The following ATP6V0A4 variants were observed in gnomAD, a reference collection of about 807,000 sequenced individuals.
ATP6V0A4 encodes V-type proton ATPase 116 kDa subunit a 4.
A neutral mutation model predicts 107.3 loss-of-function variants in ATP6V0A4; 86 were observed. That is an observed-to-expected ratio of 0.80 (90% CI 0.67 to 0.96). The LOEUF is 0.96. Among genes scored for constraint, ATP6V0A4 ranks in the 40% least tolerant of loss-of-function variants. The pLI, the probability that ATP6V0A4 is intolerant of heterozygous loss-of-function variation, is 0.00. For synonymous variants in ATP6V0A4, 353 were observed against 381.4 expected (o/e 0.93, Z 0.87); for missense variants, 908 against 1,045.6 (o/e 0.87, Z 1.81).
intron 10 of ATP6V0A4, 67 bp from the exon 11 acceptor site, chr7:138,752,904 A>G: frequency 6.3e-7 from 1 of 1,590,900 alleles, no homozygotes; most frequent in Non-Finnish European, 8.5e-7. Context: ...GGTGCCAAAA[A>G]TGGAGTGTCA....
intron 1 of ATP6V0A4, among the ~76,000 whole-genome samples, chr7:138,791,882 T>C (rs950035816): frequency 6.6e-6 from 1 of 152,140 alleles, no homozygotes; most frequent in Non-Finnish European, 1.5e-5. Context: ...TTAAGAACAA[T>C]AAACCGGTAA....
chr7:138,753,982 C>G (rs1249226377), intron 10 of ATP6V0A4, among the ~76,000 whole-genome samples: 3 of 152,162 alleles, frequency 2.0e-5, no homozygotes, highest in Non-Finnish European at 4.4e-5. Context: ...GCCCTCGACA[C>G]AGCAGCAACC....
At chr7:138,779,503 T>C (rs1234036382) in intron 2 of ATP6V0A4, among the ~76,000 whole-genome samples, 1 of 152,222 alleles carries the variant, frequency 6.6e-6, no homozygotes, top group Non-Finnish European at 1.5e-5. Flanking sequence ...TTACCAGCTA[T>C]GTGGACATCA....
intron 15 of ATP6V0A4, among the ~76,000 whole-genome samples, chr7:138,737,495 C>T (rs565813489): frequency 2.6e-5 from 4 of 151,748 alleles, no homozygotes; most frequent in South Asian, 2.1e-4. Context: ...CTAATACAGA[C>T]GTGTTCTGTT....
chr7:138,795,747 C>T (rs1013961110), intron 1 of ATP6V0A4, among the ~76,000 whole-genome samples: 16 of 152,050 alleles, frequency 1.1e-4, no homozygotes, highest in Non-Finnish European at 1.8e-4. Context: ...CTCAAGTGAT[C>T]CTCCCACCTC....
intron 1 of ATP6V0A4, among the ~76,000 whole-genome samples, chr7:138,786,466 C>T (rs924218256): frequency 2.0e-5 from 3 of 152,010 alleles, no homozygotes; most frequent in African/African-American, 7.2e-5. Flanking sequence ...CTAGTCCCAG[C>T]TACTCAGGAG....
rs1312137907 is a variant in ATP6V0A4, at chr7:138,743,444, C to G, written c.1478+1679G>C. ...CTGTACTCTAGCCTGGGTGACAGAG[C>G]AAGACTCCATCTCAAAAAAAAAAAA... On this transcript the variant is annotated intron_variant, in intron 14 of 21. Transcript: ENST00000310018. Among the ~76,000 whole-genome samples, 8 of 118,196 alleles carry G rather than the reference C, an allele frequency of 6.8e-5. 1 individual carries two copies. The South Asian group carries it at 2.1e-3, about 31-fold the overall frequency. 77.5% of individuals were successfully genotyped at this position (118,196 alleles called of 152,430 possible).
In ATP6V0A4 at chr7:138,718,050, G is replaced by GGTGGGAGTAGC. The variant is rs1485521817; in HGVS notation, c.2140-2170_2140-2169insGCTACTCCCAC. On this transcript the variant is annotated intron_variant, in intron 19 of 21. Coordinates refer to ENST00000310018, the MANE Select transcript of ATP6V0A4 (RefSeq NM_020632.3). ...GGGAGACGTCCAGGAAGGAGTGGGG[G>GGTGGGAGTAGC]GGTACAGTCACGGGTGTCTGTGGAG... Among the ~76,000 whole-genome samples the GGTGGGAGTAGC allele has an allele frequency of 3.4e-5, 5 of 147,042 alleles. 1 individual carries two copies. Among genetic ancestry groups the GGTGGGAGTAGC allele is most frequent in the African/African-American group, 1.0e-4 (4 of 39,834 alleles).
rs1390643791 is a variant in ATP6V0A4, at chr7:138,739,622, A to G, written c.1490T>C (p.Met497Thr). 2 of 1,614,038 alleles carry G rather than the reference A, an allele frequency of 1.2e-6. No individual in the cohort carries two copies. Among genetic ancestry groups the G allele is most frequent in the African/African-American group, 2.7e-5 (2 of 74,930 alleles). The change falls in exon 15 of 22, where the codon ATG becomes ACG. Residue 497 changes from methionine to threonine, a missense_variant. Coordinates refer to ENST00000310018, the MANE Select transcript of ATP6V0A4 (RefSeq NM_020632.3). ...CAGCTGCAGATATAGACTTTCCTCC[A>G]TTACATGAGTACTTTAGAGGGAGAA... ...FRNGTWNTHV[M>T]EESLYLQLDP...
chr7:138,723,996 C>T (rs969946732), intron 18 of ATP6V0A4, among the ~76,000 whole-genome samples: 17 of 147,030 alleles, frequency 1.2e-4, no homozygotes, highest in African/African-American at 4.1e-4. Context: ...TCAAGGTCAG[C>T]CTGGGCAACA....
At chr7:138,743,465 AAAAAAG>A (rs931596614) in intron 14 of ATP6V0A4, among the ~76,000 whole-genome samples, 12 of 151,482 alleles carry the variant, frequency 7.9e-5, no homozygotes, top group African/African-American at 2.2e-4. Flanking sequence ...CTCAAAAAAA[AAAAAAG>A]AAAAAGAAAA....
chr7:138,753,784 C>A (rs1189935808), intron 10 of ATP6V0A4, among the ~76,000 whole-genome samples: 2 of 152,160 alleles, frequency 1.3e-5, no homozygotes, highest in Admixed American at 1.3e-4. Context: ...CAATATAATG[C>A]CCCCTGGCCT....
intron 5 of ATP6V0A4, among the ~76,000 whole-genome samples, chr7:138,767,391 C>A (rs564225082): frequency 6.6e-6 from 1 of 151,998 alleles, no homozygotes; most frequent in Non-Finnish European, 1.5e-5. Flanking sequence ...GGCGTGGTGG[C>A]GCATGCCTGT....
Position 138,762,920 on chromosome 7 carries a change from T to C in ATP6V0A4, c.397A>G (p.Lys133Glu). The change falls in exon 6 of 22, where the codon AAA (lysine) becomes GAA (glutamate). Residue 133 changes from lysine (K) to glutamate (E), a missense_variant. Physicochemically the swap from Lys to Glu is moderately conservative, Grantham distance 56 (BLOSUM62 1). Transcript: ENST00000310018. ...ACCACCTCAAAGAAGTCTTGGGTTT[T>C]CTTCAGGAGGTATTTCAGTTCTGTC... ...ELTELKYLLK[K>E]TQDFFETETN... 6.2e-7 allele frequency: 1 copy of C among 1,614,170 alleles called. No homozygotes were observed. Among genetic ancestry groups the C allele is most frequent in the Non-Finnish European group, 8.5e-7 (1 of 1,180,028 alleles).
intron 15 of ATP6V0A4, among the ~76,000 whole-genome samples, chr7:138,736,707 G>A (rs1805341845): frequency 6.6e-6 from 1 of 151,998 alleles, no homozygotes; most frequent in Non-Finnish European, 1.5e-5. Flanking sequence ...AAGTAGCTGG[G>A]ATTACAGGCA....
At chr7:138,759,478 T>C (rs1806680568) in intron 8 of ATP6V0A4, among the ~76,000 whole-genome samples, 1 of 152,078 alleles carries the variant, frequency 6.6e-6, no homozygotes, top group Non-Finnish European at 1.5e-5. Context: ...AGGATAGTAC[T>C]AGTATAACTA....
intron 19 of ATP6V0A4, among the ~76,000 whole-genome samples, chr7:138,717,417 G>A (rs1158575185): frequency 6.6e-6 from 1 of 152,070 alleles, no homozygotes; most frequent in African/African-American, 2.4e-5. Flanking sequence ...GTGGTGGCGT[G>A]CACCTGTAAT....
At chr7:138,776,482 C>G (rs549524111) in intron 2 of ATP6V0A4, among the ~76,000 whole-genome samples, 1 of 152,226 alleles carries the variant, frequency 6.6e-6, no homozygotes, top group Non-Finnish European at 1.5e-5. Flanking sequence ...AAGATAAGAA[C>G]TGTGTTGATT....
chr7:138,712,158 C>G (rs1803779076), intron 20 of ATP6V0A4, among the ~76,000 whole-genome samples: 1 of 152,162 alleles, frequency 6.6e-6, no homozygotes, highest in African/African-American at 2.4e-5. Context: ...TCTCGAACTC[C>G]TGACCTCAGG....
Sources: gnomAD v4.1 joint callset for allele counts (sites outside exome capture counted in the v4.1 genomes callset) on GRCh38, gnomAD v4.1.1 for gene constraint, MANE v1.5 for transcripts, NCBI Gene and HGNC (gene_info 2026-07-23, HGNC 2026-07-21) for gene names.